CTNNA3: variants seen among roughly 807,000 people sequenced by gnomAD.
CTNNA3 encodes catenin alpha-3.
Under a neutral mutation model 95.7 loss-of-function variants are expected in CTNNA3, and 76 were observed. The observed-to-expected ratio is 0.79, with a 90% confidence interval of 0.66 to 0.96. The LOEUF (loss-of-function observed/expected upper bound fraction) is 0.96, where lower values mean the gene tolerates loss of function less well. Among genes scored for constraint, CTNNA3 ranks in the 40% least tolerant of loss-of-function variants. The pLI, the probability that CTNNA3 is intolerant of heterozygous loss-of-function variation, is 0.00. For missense variants in CTNNA3, 1,191 were observed against 1,089.8 expected, an observed-to-expected ratio of 1.09 and a Z score of -1.31; for synonymous variants, 431 against 374.4, an observed-to-expected ratio of 1.15 and a Z score of -1.74.
At chr10:67,434,930 C>A (rs933303017) in intron 5 of CTNNA3, among the ~76,000 whole-genome samples, 3 of 151,918 alleles carry the variant, frequency 2.0e-5, no homozygotes, top group Non-Finnish European at 4.4e-5. Context: ...CCTGTGAAAT[C>A]AGAAAGTAAC....
intron 7 of CTNNA3, among the ~76,000 whole-genome samples, chr10:67,040,983 T>C (rs1854354668): frequency 2.6e-5 from 4 of 152,060 alleles, no homozygotes; most frequent in African/African-American, 9.7e-5. Flanking sequence ...ATAAGCATTT[T>C]ATACTTTTTT....
intron 15 of CTNNA3, among the ~76,000 whole-genome samples, chr10:66,064,907 T>C (rs1468460020): frequency 6.6e-6 from 1 of 152,200 alleles, no homozygotes; most frequent in East Asian, 1.9e-4. Flanking sequence ...ATTCAGCTAC[T>C]ACATATTAAA....
chr10:66,566,121 G>A (rs1410379367), intron 10 of CTNNA3, among the ~76,000 whole-genome samples: 1 of 152,150 alleles, frequency 6.6e-6, no homozygotes, highest in African/African-American at 2.4e-5. Context: ...TTAAAAGTTA[G>A]CTTTGGCTGC....
Position 67,750,318 on chromosome 10 carries a change from A to T in CTNNA3, c.-2+13116T>A. The T allele has an allele frequency of 2.0e-6, 3 of 1,526,146 alleles. No homozygotes were observed. The South Asian group carries it at 3.4e-5, about 17-fold the overall frequency. The allele number at this position is 1,526,146 out of a possible 1,614,324, so 94.5% of individuals were successfully genotyped here. ...TTTGTGGAGCTCAATACCAAAGCCA[A>T]GATGCCCATTGTGGGCCTGGGCACT... On this transcript the variant is annotated intron_variant, in intron 1 of 17. Transcript: ENST00000684154.
At chr10:67,016,148 T>A (rs1387324575) in intron 7 of CTNNA3, among the ~76,000 whole-genome samples, 1 of 152,116 alleles carries the variant, frequency 6.6e-6, no homozygotes. Context: ...AAACAGAAAA[T>A]GGTAGTTTTA....
intron 11 of CTNNA3, among the ~76,000 whole-genome samples, chr10:66,391,086 A>G (rs2092930367): frequency 6.6e-6 from 1 of 152,120 alleles, no homozygotes; most frequent in Non-Finnish European, 1.5e-5. Flanking sequence ...TCACTTGGTA[A>G]TTTTACAAAA....
chr10:67,553,706 A>G (rs1227100608), intron 3 of CTNNA3, among the ~76,000 whole-genome samples: 2 of 152,174 alleles, frequency 1.3e-5, no homozygotes, highest in African/African-American at 4.8e-5. Flanking sequence ...TCAAGAATAC[A>G]ATAGAAATGA....
At chr10:67,429,685 T>C (rs765018164) in intron 5 of CTNNA3, among the ~76,000 whole-genome samples, 14 of 152,130 alleles carry the variant, frequency 9.2e-5, no homozygotes, top group Middle Eastern at 3.4e-3. Flanking sequence ...TGATCAATTG[T>C]GTAGGTTTTT....
At chr10:66,445,778 G>C (rs563703957) in intron 11 of CTNNA3, among the ~76,000 whole-genome samples, 203 of 147,684 alleles carry the variant, frequency 1.4e-3, no homozygotes, top group Admixed American at 5.8e-3. Context: ...AAAAGCAAGA[G>C]CAAACACATT....
chr10:66,124,652 A>C (rs1428451809), intron 13 of CTNNA3, among the ~76,000 whole-genome samples: 1 of 152,166 alleles, frequency 6.6e-6, no homozygotes, highest in Non-Finnish European at 1.5e-5. Context: ...ATGGACTTAC[A>C]ATTCCACATG....
Position 67,397,182 on chromosome 10 carries a change from T to A in CTNNA3, c.579+124660A>T, listed in dbSNP as rs570405624. Reference sequence around the variant, plus strand: ...GGGCTCAGAAGAAAACATGAAAATGTGGGGAAGTTTGGAACATCCTAGAGA... The same window carrying A: ...GGGCTCAGAAGAAAACATGAAAATGAGGGGAAGTTTGGAACATCCTAGAGA... On this transcript the variant is annotated intron_variant, in intron 5 of 17. Transcript: ENST00000433211. Among the ~76,000 whole-genome samples the A allele has an allele frequency of 5.9e-5, 9 of 152,190 alleles. No individual in the cohort carries two copies. The South Asian group carries it at 1.7e-3, about 28-fold the overall frequency.
chr10:67,562,752 C>T (rs993212538), intron 3 of CTNNA3, among the ~76,000 whole-genome samples: 20 of 152,146 alleles, frequency 1.3e-4, no homozygotes, highest in Non-Finnish European at 2.8e-4. Flanking sequence ...ATCATCTCAG[C>T]CCAAAATCTC....
chr10:66,424,906 A>G (rs1252398140), intron 11 of CTNNA3, among the ~76,000 whole-genome samples: 2 of 152,076 alleles, frequency 1.3e-5, no homozygotes. Flanking sequence ...ACTTAAATCC[A>G]GGAGTTCAAG....
At chr10:67,197,355 C>G (rs1863425974) in intron 6 of CTNNA3, among the ~76,000 whole-genome samples, 1 of 152,030 alleles carries the variant, frequency 6.6e-6, no homozygotes, top group Admixed American at 6.6e-5. Context: ...CTGTTTGATT[C>G]TACCTTTCAC....
At chr10:66,263,215 A>G (rs2091058379) in intron 13 of CTNNA3, among the ~76,000 whole-genome samples, 1 of 152,016 alleles carries the variant, frequency 6.6e-6, no homozygotes, top group African/African-American at 2.4e-5. Context: ...ATTGGAACAA[A>G]GCAAGTCTCT....
chr10:66,713,721 A>G (rs1848366148), intron 9 of CTNNA3, among the ~76,000 whole-genome samples: 1 of 152,058 alleles, frequency 6.6e-6, no homozygotes, highest in South Asian at 2.1e-4. Context: ...CTATTCTCGA[A>G]TCATATCTGA....
At chr10:67,217,932 C>T (rs904127580) in intron 6 of CTNNA3, among the ~76,000 whole-genome samples, 1 of 151,944 alleles carries the variant, frequency 6.6e-6, no homozygotes, top group Non-Finnish European at 1.5e-5. Flanking sequence ...TGTGACAGGT[C>T]GCAGTTAAAA....
chr10:66,426,608 C>CT lies in CTNNA3; in HGVS notation c.1532-47257dup, dbSNP rs926918970. On this transcript the variant is annotated intron_variant, in intron 11 of 17. Coordinates refer to ENST00000433211, the MANE Select transcript of CTNNA3 (RefSeq NM_013266.4). ...TGTTCTTAAGAAGTTAAAAGCCAAT[C>CT]TTTTTTTTTTCCTATGCAAGCAATC... Among the ~76,000 whole-genome samples the CT allele has an allele frequency of 2.8e-3, 421 of 150,318 alleles. 1 individual carries two copies. Among genetic ancestry groups the CT allele is most frequent in the African/African-American group, 9.7e-3 (399 of 41,132 alleles).
chr10:66,266,257 A>C (rs2091155932), intron 13 of CTNNA3, among the ~76,000 whole-genome samples: 2 of 151,966 alleles, frequency 1.3e-5, no homozygotes, highest in Admixed American at 1.3e-4. Flanking sequence ...ACAATGCATC[A>C]AAGGGAGAAA....
Sources: gnomAD v4.1 joint callset for allele counts (sites outside exome capture counted in the v4.1 genomes callset) on GRCh38, gnomAD v4.1.1 for gene constraint, MANE v1.5 for transcripts, NCBI Gene and HGNC (gene_info 2026-07-23, HGNC 2026-07-21) for gene names.